The following TSC22D1 variants were observed in gnomAD, a reference collection of about 807,000 sequenced individuals.
The protein encoded by TSC22D1 is TSC22 domain family member 1.
Under a neutral mutation model 74.2 loss-of-function variants are expected in TSC22D1, and 9 were observed. The observed-to-expected ratio is 0.12, with a 90% CI of 0.07 to 0.21. The LOEUF (loss-of-function observed/expected upper bound fraction) is 0.21, where lower values mean the gene tolerates loss of function less well. TSC22D1 is among the 10% of genes least tolerant of loss of function. TSC22D1 has a pLI of 1.00. For missense variants in TSC22D1, 1,427 were observed against 1,304.7 expected (o/e 1.09, Z -1.44); for synonymous variants, 586 against 492.5 (o/e 1.19, Z -2.51).
chr13:44,473,282 G>A (rs1457134354), intron 1 of TSC22D1, among the ~76,000 whole-genome samples: 1 of 152,118 alleles, frequency 6.6e-6, no homozygotes, highest in Non-Finnish European at 1.5e-5. Flanking sequence ...ATCACTTGAG[G>A]TCAGGAGTTT....
chr13:44,493,475 T>C (rs747976310), intron 1 of TSC22D1, among the ~76,000 whole-genome samples: 7 of 152,184 alleles, frequency 4.6e-5, no homozygotes, highest in Admixed American at 6.5e-5. Flanking sequence ...CAAACCACCG[T>C]CACCTGAAGC....
chr13:44,552,322 G>A (rs763049775), intron 1 of TSC22D1, among the ~76,000 whole-genome samples: 2 of 152,034 alleles, frequency 1.3e-5, no homozygotes, highest in African/African-American at 2.4e-5. Context: ...TTTACTTCAC[G>A]AACACCATCA....
At position 44,574,272 on chromosome 13, in the gene TSC22D1, A is replaced by C; in HGVS notation, c.1803T>G (p.Ala601=). ...LGQQPSISSL[A]QPQLPYSQAA... is the part of the protein sequence containing the mutation. Reference sequence around the variant, plus strand: ...CCTGAGAATATGGTAGCTGGGGTTGAGCCAAACTGGAAATGGAAGGCTGCT... The same window carrying C: ...CCTGAGAATATGGTAGCTGGGGTTGCGCCAAACTGGAAATGGAAGGCTGCT... Residue 601 remains alanine, a synonymous_variant, in exon 1 of 3, where the codon GCT becomes GCG. Transcript: ENST00000458659. The C allele has an allele frequency of 6.2e-7, 1 of 1,614,216 alleles. No individual in the cohort carries two copies. The highest frequency in any genetic ancestry group is 8.5e-7 in the Non-Finnish European group (1 of 1,180,032).
At chr13:44,500,814 A>T (rs1368445736) in intron 1 of TSC22D1, among the ~76,000 whole-genome samples, 1 of 152,138 alleles carries the variant, frequency 6.6e-6, no homozygotes, top group Non-Finnish European at 1.5e-5. Flanking sequence ...CCTCCTGAAT[A>T]GCTGGGACTA....
chr13:44,454,018 C>T lies in TSC22D1; in HGVS notation c.2913-17923G>A, dbSNP rs192483688. Among the ~76,000 whole-genome samples, 6 of 152,178 alleles carry T rather than the reference C, an allele frequency of 3.9e-5. No individual in the cohort carries two copies. The East Asian group carries it at 1.2e-3, about 29-fold the overall frequency. On this transcript the variant is annotated intron_variant, in intron 1 of 2. Transcript: ENST00000458659. The stretch of plus-strand genomic sequence containing the variant: ...TTCAGTTGCATTATTTTGAATAAAA[C>T]AAGATGTTTTACAAAGGCCATTAAA...
intron 1 of TSC22D1, among the ~76,000 whole-genome samples, chr13:44,441,157 G>A (rs1875166560): frequency 6.6e-6 from 1 of 152,186 alleles, no homozygotes; most frequent in African/African-American, 2.4e-5. Context: ...AGTGCAGGGA[G>A]ATCTCAGGGG....
At chr13:44,442,926 A>AAG (rs1192730005) in intron 1 of TSC22D1, among the ~76,000 whole-genome samples, 2 of 151,288 alleles carry the variant, frequency 1.3e-5, no homozygotes. Flanking sequence ...AAAAAAAAAA[A>AAG]AAAAAGAATG....
chr13:44,444,463 A>T (rs893980312), intron 1 of TSC22D1, among the ~76,000 whole-genome samples: 1 of 151,980 alleles, frequency 6.6e-6, no homozygotes, highest in Non-Finnish European at 1.5e-5. Context: ...ATAAAAACAC[A>T]AATAGGTACA....
chr13:44,438,079 G>A (rs565906051), intron 1 of TSC22D1, among the ~76,000 whole-genome samples: 2 of 152,264 alleles, frequency 1.3e-5, no homozygotes, highest in African/African-American at 4.8e-5. Flanking sequence ...TAATATACTA[G>A]AAATCTAAGC....
chr13:44,505,701 T>C (rs549199169), intron 1 of TSC22D1, among the ~76,000 whole-genome samples: 3 of 152,342 alleles, frequency 2.0e-5, no homozygotes, highest in East Asian at 3.9e-4. Flanking sequence ...CCAAAAATCA[T>C]TGTTATTGAA....
intron 1 of TSC22D1, among the ~76,000 whole-genome samples, chr13:44,482,106 G>A (rs1878204562): frequency 6.6e-6 from 1 of 152,182 alleles, no homozygotes; most frequent in Non-Finnish European, 1.5e-5. Context: ...ACACGTGCAT[G>A]TTAGTAAATT....
intron 1 of TSC22D1, among the ~76,000 whole-genome samples, chr13:44,565,211 G>A (rs999598688): frequency 5.3e-5 from 8 of 152,130 alleles, no homozygotes; most frequent in African/African-American, 1.9e-4. Flanking sequence ...ATTACCTAGG[G>A]AAAAGGTAGT....
In TSC22D1 at chr13:44,433,926, A is replaced by C; in HGVS notation, c.*700T>G. 6.8e-7 allele frequency: 1 copy of C among 1,475,396 alleles called. No individual in the cohort carries two copies. Among genetic ancestry groups the C allele is most frequent in the Non-Finnish European group, 9.0e-7 (1 of 1,107,998 alleles). 91.4% of individuals were successfully genotyped at this position (1,475,396 alleles called of 1,614,324 possible). On this transcript the variant is annotated 3_prime_UTR_variant, in exon 3 of 3. Coordinates refer to ENST00000458659, the MANE Select transcript of TSC22D1 (RefSeq NM_183422.4). The stretch of plus-strand genomic sequence containing the variant: ...ACTAAATTTCAATCTGTACAACCTA[A>C]ATAGTAGTTACAGTCCTCTATTGTA...
intron 1 of TSC22D1, among the ~76,000 whole-genome samples, chr13:44,572,615 G>C (rs758386982): frequency 1.1e-4 from 17 of 152,104 alleles, no homozygotes; most frequent in Non-Finnish European, 1.5e-4. Context: ...AAATAAGTAC[G>C]CAAAAGTTGG....
In TSC22D1 at chr13:44,574,257, T is replaced by C; in HGVS notation, c.1818A>G (p.Pro606=). ...SISSLAQPQL[P]YSQAAPPVQT... is the part of the protein sequence containing the mutation. ...GCACTGGAGGAGCCGCCTGAGAATA[T>C]GGTAGCTGGGGTTGAGCCAAACTGG... Residue 606 remains proline (P), a synonymous_variant, in exon 1 of 3, where the codon CCA becomes CCG. Transcript: ENST00000458659. 4 of 1,614,160 alleles carry C rather than the reference T, an allele frequency of 2.5e-6. No individual in the cohort carries two copies. Among genetic ancestry groups the C allele is most frequent in the Non-Finnish European group, 2.5e-6 (3 of 1,180,024 alleles).
chr13:44,436,856 G>T, intron 1 of TSC22D1: 3 of 1,275,114 alleles, frequency 2.4e-6, no homozygotes, highest in Non-Finnish European at 3.0e-6. Flanking sequence ...CTCAGCTCTA[G>T]ACCAGGACTC....
rs1180248034 is a variant in TSC22D1 at position 44,434,007 on chromosome 13, A to G, written c.*619T>C. 1 of 1,534,236 alleles carries G rather than the reference A, an allele frequency of 6.5e-7. No individual in the cohort carries two copies. The highest frequency in any genetic ancestry group is 8.7e-7 in the Non-Finnish European group (1 of 1,146,530). Reference sequence around the variant, plus strand: ...CAATAAGCAAAACAACCTTCATGGTAAGATAGCCTAGGTCCCAGCTACCTG... The same window carrying G: ...CAATAAGCAAAACAACCTTCATGGTGAGATAGCCTAGGTCCCAGCTACCTG... On this transcript the variant is annotated 3_prime_UTR_variant, in exon 3 of 3. Transcript: ENST00000458659.
rs75392128 is a variant in TSC22D1 at position 44,438,472 on chromosome 13, G to A, written c.2913-2377C>T. Among the ~76,000 whole-genome samples the A allele has an allele frequency of 8.3e-3, 1,269 of 152,244 alleles. 15 individuals are homozygous for A. The highest frequency in any genetic ancestry group is 0.029 in the African/African-American group (1,188 of 41,536). ...ATTTGGTTTTCAGAAACTGTCCAAA[G>A]TTATTAGGAACCAGACCAGATCGGT... On this transcript the variant is annotated intron_variant, in intron 1 of 2. Coordinates refer to ENST00000458659, the MANE Select transcript of TSC22D1 (RefSeq NM_183422.4).
At chr13:44,439,888 C>G (rs938475654) in intron 1 of TSC22D1, among the ~76,000 whole-genome samples, 1 of 152,194 alleles carries the variant, frequency 6.6e-6, no homozygotes, top group Non-Finnish European at 1.5e-5. Context: ...TGGCCAACAC[C>G]GGTACAGTTG....
Sources: allele counts gnomAD v4.1 joint callset (sites outside exome capture counted in the v4.1 genomes callset), GRCh38; gene constraint gnomAD v4.1.1; transcripts MANE v1.5; gene names NCBI Gene and HGNC (gene_info 2026-07-23, HGNC 2026-07-21).